The following ATP8A2 variants were observed in gnomAD, a reference collection of about 807,000 sequenced individuals.
ATP8A2 encodes the protein phospholipid-transporting ATPase IB.
ATP8A2 carries 100 observed loss-of-function variants against 165.6 expected under a neutral mutation model. That is an observed-to-expected ratio of 0.60 (90% CI 0.51 to 0.71). The LOEUF is 0.71. ATP8A2 is among the 30% of genes least tolerant of loss of function. The probability of loss-of-function intolerance (pLI) is 0.00; values close to 1 mark genes in which losing one functional copy is unlikely to be tolerated. For missense variants in ATP8A2, 1,227 were observed against 1,479.5 expected, an observed-to-expected ratio of 0.83 and a Z score of 2.80; for synonymous variants, 543 against 548.8, an observed-to-expected ratio of 0.99 and a Z score of 0.15.
At chr13:25,534,398 A>G (rs1279547558) in intron 6 of ATP8A2, among the ~76,000 whole-genome samples, 1 of 152,190 alleles carries the variant, frequency 6.6e-6, no homozygotes, top group East Asian at 1.9e-4. Flanking sequence ...AGCACTGGGA[A>G]ATTGCCCCTC....
At chr13:26,017,730 G>A (rs143967060) in intron 36 of ATP8A2, among the ~76,000 whole-genome samples, 1 of 152,322 alleles carries the variant, frequency 6.6e-6, no homozygotes, top group East Asian at 1.9e-4. Context: ...CACCTACCTG[G>A]TCAGGAAGTT....
intron 28 of ATP8A2, among the ~76,000 whole-genome samples, chr13:25,835,874 G>T (rs1236155793): frequency 6.6e-6 from 1 of 152,092 alleles, no homozygotes; most frequent in South Asian, 2.1e-4. Context: ...AAAGTTCCTC[G>T]TCCTTTAAAT....
At chr13:25,405,717 G>C (rs1191376501) in intron 1 of ATP8A2, among the ~76,000 whole-genome samples, 1 of 152,114 alleles carries the variant, frequency 6.6e-6, no homozygotes, top group Non-Finnish European at 1.5e-5. Context: ...CAAAATCCTA[G>C]ATATCATGTA....
At chr13:25,667,641 C>CT (rs58560172) in intron 24 of ATP8A2, among the ~76,000 whole-genome samples, 6,764 of 150,528 alleles carry the variant, frequency 0.045, 509 homozygotes, top group African/African-American at 0.16. Flanking sequence ...AGATAAGCCT[C>CT]TTTTTTTTTT....
intron 2 of ATP8A2, among the ~76,000 whole-genome samples, chr13:25,527,031 T>C (rs1176805519): frequency 6.6e-6 from 1 of 152,092 alleles, no homozygotes; most frequent in Non-Finnish European, 1.5e-5. Context: ...TACTTGGAGC[T>C]TTTTTACTTC....
At chr13:25,606,052 G>A (rs2040509179) in intron 24 of ATP8A2, among the ~76,000 whole-genome samples, 1 of 152,164 alleles carries the variant, frequency 6.6e-6, no homozygotes, top group Non-Finnish European at 1.5e-5. Context: ...GCTTACCACA[G>A]TTCTGCACGG....
intron 2 of ATP8A2, among the ~76,000 whole-genome samples, chr13:25,521,400 T>C (rs9581373): frequency 0.64 from 97,399 of 151,928 alleles, 32,307 homozygotes; most frequent in Middle Eastern, 0.72. Flanking sequence ...TTTGTCTATT[T>C]TTGCTTTGGT....
chr13:25,991,707 C>T (rs1956398538), intron 35 of ATP8A2, among the ~76,000 whole-genome samples: 1 of 152,170 alleles, frequency 6.6e-6, no homozygotes, highest in Admixed American at 6.5e-5. Context: ...TAATATTCCA[C>T]CCAATGCATG....
rs1381656463 is a variant in ATP8A2 at position 25,605,000 on chromosome 13, A to G, written c.2211+15301A>G. On this transcript the variant is annotated intron_variant, in intron 24 of 36. Coordinates refer to ENST00000381655, the MANE Select transcript of ATP8A2 (RefSeq NM_016529.6). ...GTTGGCTTTCTAAGTGAAGAAAATC[A>G]GTAATTACATGGTGCATCATAAAGG... 5.9e-5 allele frequency among the ~76,000 whole-genome samples: 9 copies of G among 152,240 alleles called. No homozygotes were observed. The East Asian group carries it at 1.7e-3, about 29-fold the overall frequency.
At chr13:25,681,237 C>G (rs1461051477) in intron 24 of ATP8A2, among the ~76,000 whole-genome samples, 1 of 152,168 alleles carries the variant, frequency 6.6e-6, no homozygotes, top group Non-Finnish European at 1.5e-5. Context: ...GCTTGACTGT[C>G]TCTCCCTCTC....
chr13:25,778,955 A>T (rs897421484), intron 27 of ATP8A2, among the ~76,000 whole-genome samples: 3 of 152,158 alleles, frequency 2.0e-5, no homozygotes, highest in Admixed American at 6.5e-5. Context: ...ATAGACGGTG[A>T]CCAGAATGTC....
chr13:25,511,510 T>A (rs1030483576), intron 2 of ATP8A2, among the ~76,000 whole-genome samples: 30 of 152,238 alleles, frequency 2.0e-4, no homozygotes, highest in Middle Eastern at 3.4e-3. Flanking sequence ...TGATTACTGT[T>A]TTGTATTGTT....
intron 6 of ATP8A2, among the ~76,000 whole-genome samples, chr13:25,536,304 G>A (rs1055894624): frequency 1.3e-4 from 19 of 151,018 alleles, no homozygotes; most frequent in African/African-American, 4.4e-4. Flanking sequence ...TTAGTGAGAT[G>A]GGGGTTTCAC....
At chr13:25,585,427 A>C (rs947975679) in intron 23 of ATP8A2, among the ~76,000 whole-genome samples, 1 of 152,122 alleles carries the variant, frequency 6.6e-6, no homozygotes, top group African/African-American at 2.4e-5. Context: ...GTGAGAACAA[A>C]ATCCTAGTGT....
chr13:25,996,464 T>C (rs1351564955), intron 35 of ATP8A2, among the ~76,000 whole-genome samples: 1 of 152,204 alleles, frequency 6.6e-6, no homozygotes, highest in Non-Finnish European at 1.5e-5. Context: ...ATATTCTTTC[T>C]TTTTTATGTT....
At chr13:25,378,831 G>C (rs530596795) in intron 1 of ATP8A2, among the ~76,000 whole-genome samples, 3 of 152,230 alleles carry the variant, frequency 2.0e-5, no homozygotes, top group Non-Finnish European at 4.4e-5. Flanking sequence ...GTTGGGAAGA[G>C]AGCAAAGGAA....
chr13:25,404,458 T>C (rs1311940383), intron 1 of ATP8A2, among the ~76,000 whole-genome samples: 2 of 152,146 alleles, frequency 1.3e-5, no homozygotes, highest in Non-Finnish European at 2.9e-5. Context: ...TTGAGGATTT[T>C]GGCCCTGGTT....
At chr13:25,452,116 G>A (rs1004312982) in intron 1 of ATP8A2, among the ~76,000 whole-genome samples, 1 of 152,106 alleles carries the variant, frequency 6.6e-6, no homozygotes. Flanking sequence ...GCCTCCCAAA[G>A]TGCTGGGATT....
Position 25,975,328 on chromosome 13 carries a change from C to T in ATP8A2, c.3377+6649C>T, listed in dbSNP as rs186353188. On this transcript the variant is annotated intron_variant, in intron 35 of 36. Transcript: ENST00000381655. ...GTGGCTCACGCCTGTAATCCCAGCACTTTGGGAGGCCAAGGCGGGCAGGTC... is the reference window on the plus strand; with the variant it reads ...GTGGCTCACGCCTGTAATCCCAGCATTTTGGGAGGCCAAGGCGGGCAGGTC... 7.8e-4 allele frequency among the ~76,000 whole-genome samples: 119 copies of T among 152,250 alleles called. 1 individual carries two copies. Among genetic ancestry groups the T allele is most frequent in the Middle Eastern group, 3.4e-3 (1 of 294 alleles).
Sources: gnomAD v4.1 joint callset for allele counts (sites outside exome capture counted in the v4.1 genomes callset) on GRCh38, gnomAD v4.1.1 for gene constraint, MANE v1.5 for transcripts, NCBI Gene and HGNC (gene_info 2026-07-23, HGNC 2026-07-21) for gene names.